Variants in GRIK1 observed in about 807,000 individuals in gnomAD.
GRIK1 encodes the protein glutamate ionotropic receptor kainate type subunit 1, also known as glutamate receptor ionotropic, kainate 1.
In GRIK1, 69 loss-of-function variants were observed where a neutral mutation model predicts 105.7. The observed-to-expected ratio is 0.65, with a 90% CI of 0.54 to 0.80. The LOEUF (loss-of-function observed/expected upper bound fraction) is 0.80. GRIK1 is among the 30% of genes least tolerant of loss of function. The pLI is 0.00. For synonymous variants in GRIK1, 438 were observed against 431.3 expected (o/e 1.02, Z -0.19); for missense variants, 1,109 against 1,167.3 (o/e 0.95, Z 0.73).
At chr21:29,548,715 A>G (rs1292453679) in intron 16 of GRIK1, among the ~76,000 whole-genome samples, 2 of 152,208 alleles carry the variant, frequency 1.3e-5, no homozygotes, top group Admixed American at 6.5e-5. Context: ...GATGGCTCAT[A>G]CAGAACATAA....
intron 16 of GRIK1, among the ~76,000 whole-genome samples, chr21:29,550,151 G>A (rs1056846871): frequency 4.6e-5 from 6 of 130,652 alleles, no homozygotes; most frequent in African/African-American, 1.7e-4. Context: ...AAGAAAGTAA[G>A]TACTTGAGAT....
chr21:29,549,595 G>A (rs2090097352), intron 16 of GRIK1, among the ~76,000 whole-genome samples: 1 of 152,096 alleles, frequency 6.6e-6, no homozygotes, highest in Non-Finnish European at 1.5e-5. Flanking sequence ...GTAAACAGCA[G>A]TTTGGATAAT....
intron 4 of GRIK1, among the ~76,000 whole-genome samples, chr21:29,666,080 T>C (rs2146617993): frequency 6.6e-6 from 1 of 152,298 alleles, no homozygotes; most frequent in East Asian, 1.9e-4. Flanking sequence ...AACCTGCACA[T>C]GTACCCCTGA....
rs74393959 is a variant in GRIK1, at chr21:29,844,559, C to T, written c.118+94824G>A. Among the ~76,000 whole-genome samples the T allele has an allele frequency of 9.1e-3, 1,392 of 152,262 alleles. 22 individuals carry two copies. The highest frequency in any genetic ancestry group is 0.032 in the African/African-American group (1,344 of 41,552). On this transcript the variant is annotated intron_variant, in intron 1 of 17. Transcript: ENST00000327783. Reference sequence around the variant, plus strand: ...TTCAAGGCAAGCTAATCAACTACTGCAAATCCCTTCTGATTTAAGGAAAAT... The same window carrying T: ...TTCAAGGCAAGCTAATCAACTACTGTAAATCCCTTCTGATTTAAGGAAAAT...
In GRIK1 at chr21:29,815,484, G is replaced by A. The variant is rs151257296; in HGVS notation, c.119-121421C>T. ...GAAACTATGACTAGGGAGGTGGCAG[G>A]ATACTGGGAGTGGGGTGAATTAGTC... On this transcript the variant is annotated intron_variant, in intron 1 of 17. Transcript: ENST00000327783. 2.8e-3 allele frequency among the ~76,000 whole-genome samples: 431 copies of A among 152,244 alleles called. 1 individual carries two copies. The highest frequency in any genetic ancestry group is 9.5e-3 in the African/African-American group (396 of 41,564).
Position 29,758,070 on chromosome 21 carries a change from A to G in GRIK1, c.119-64007T>C, listed in dbSNP as rs1347978111. On this transcript the variant is annotated intron_variant, in intron 1 of 17. Transcript: ENST00000327783. ...AGGGGTAGCATGTTCCATGTTAGAG[A>G]TCTTCCACCTTTCAGCTACTGGAGC... Among the ~76,000 whole-genome samples, 5 of 152,234 alleles carry G rather than the reference A, an allele frequency of 3.3e-5. No homozygotes were observed. The East Asian group carries it at 9.6e-4, about 29-fold the overall frequency.
intron 2 of GRIK1, among the ~76,000 whole-genome samples, chr21:29,692,937 C>T (rs2063613343): frequency 6.6e-6 from 1 of 152,210 alleles, no homozygotes; most frequent in Non-Finnish European, 1.5e-5. Flanking sequence ...GCAAAGAACA[C>T]TAGAATTCTT....
intron 1 of GRIK1, among the ~76,000 whole-genome samples, chr21:29,757,845 T>A (rs2065391057): frequency 6.6e-6 from 1 of 152,260 alleles, no homozygotes; most frequent in African/African-American, 2.4e-5. Flanking sequence ...TCAGTTGTAA[T>A]CTTAAGTGTG....
chr21:29,885,684 C>T (rs953050874), intron 1 of GRIK1, among the ~76,000 whole-genome samples: 2 of 152,108 alleles, frequency 1.3e-5, no homozygotes, highest in East Asian at 1.9e-4. Context: ...AAATGCCCAT[C>T]ACTGTCAGCA....
At chr21:29,731,747 C>T (rs981189963) in intron 1 of GRIK1, among the ~76,000 whole-genome samples, 21 of 152,144 alleles carry the variant, frequency 1.4e-4, no homozygotes, top group African/African-American at 4.6e-4. Context: ...GATGCTCTAC[C>T]GCTAGAGGCT....
At chr21:29,762,209 G>A (rs1210815484) in intron 1 of GRIK1, among the ~76,000 whole-genome samples, 1 of 152,156 alleles carries the variant, frequency 6.6e-6, no homozygotes, top group African/African-American at 2.4e-5. Flanking sequence ...CAGATATTCT[G>A]TCTTTGGAAA....
intron 6 of GRIK1, among the ~76,000 whole-genome samples, chr21:29,648,911 C>A (rs16984655): frequency 0.013 from 2,036 of 152,146 alleles, 43 homozygotes; most frequent in African/African-American, 0.046. Flanking sequence ...GATGTGGACC[C>A]AATGAAACTG....
rs1201386617 is a variant in GRIK1, at chr21:29,564,437, G to A, written c.2131-2588C>T. ...GCTGGGATTACAGGCGTGAGCCACC[G>A]CGCCCGGCCGCACCACATTTATATT... On this transcript the variant is annotated intron_variant, in intron 14 of 17. Transcript: ENST00000327783. 5.9e-5 allele frequency among the ~76,000 whole-genome samples: 9 copies of A among 152,272 alleles called. No homozygotes were observed. In the East Asian group the frequency reaches 1.7e-3, roughly 29 times the overall value.
In GRIK1 at chr21:29,577,235, A is replaced by G; in HGVS notation, c.1913-54T>C. On this transcript the variant is annotated intron_variant, in intron 13 of 17. Transcript: ENST00000327783. ...TTAAACACAGTCAGAAGGAAAGGGA[A>G]GATGTACAGTTCGACACTATTCTAG... The G allele has an allele frequency of 5.0e-6, 5 of 992,932 alleles. No individual in the cohort carries two copies. The Admixed American group carries it at 5.1e-5, about 10-fold the overall frequency. 61.5% of individuals were successfully genotyped at this position (992,932 alleles called of 1,614,324 possible).
intron 1 of GRIK1, among the ~76,000 whole-genome samples, chr21:29,895,789 C>T: frequency 6.6e-6 from 1 of 152,152 alleles, no homozygotes; most frequent in Non-Finnish European, 1.5e-5. Flanking sequence ...TGCCACTTAG[C>T]TGAATGATCT....
chr21:29,898,474 CTGACTAATAAGCT>C (rs527996081), intron 1 of GRIK1, among the ~76,000 whole-genome samples: 2 of 152,298 alleles, frequency 1.3e-5, no homozygotes, highest in African/African-American at 4.8e-5. Flanking sequence ...GCCAGAGACA[CTGACTAATAAGCT>C]TGGTCTTAGA....
chr21:29,787,701 G>T (rs1569093588), intron 1 of GRIK1, among the ~76,000 whole-genome samples: 1 of 152,126 alleles, frequency 6.6e-6, no homozygotes, highest in Non-Finnish European at 1.5e-5. Context: ...TTCATCTTTA[G>T]CCTATAGACG....
At position 29,742,907 on chromosome 21, in the gene GRIK1, C is replaced by T. The variant is rs982602591; in HGVS notation, c.119-48844G>A. ...TTGCTTCTAAATTTCCACAAACAGG[C>T]TTGAGTCTGTTTCTGCGTATTCTAT... On this transcript the variant is annotated intron_variant, in intron 1 of 17. Coordinates refer to ENST00000327783, the MANE Select transcript of GRIK1 (RefSeq NM_001330994.2). 6.6e-5 allele frequency among the ~76,000 whole-genome samples: 10 copies of T among 152,238 alleles called. No individual in the cohort carries two copies. In the East Asian group the frequency reaches 1.9e-3, roughly 29 times the overall value.
At chr21:29,621,272 G>A (rs1235394241) in intron 7 of GRIK1, among the ~76,000 whole-genome samples, 1 of 152,132 alleles carries the variant, frequency 6.6e-6, no homozygotes, top group Non-Finnish European at 1.5e-5. Flanking sequence ...AGAAGTCAGG[G>A]ATGACACATA....
Sources: gnomAD v4.1 joint callset for allele counts (sites outside exome capture counted in the v4.1 genomes callset) on GRCh38, gnomAD v4.1.1 for gene constraint, MANE v1.5 for transcripts, NCBI Gene and HGNC (gene_info 2026-07-23, HGNC 2026-07-21) for gene names.